C16orf74: variants seen among roughly 807,000 people sequenced by gnomAD.
C16orf74 encodes the protein calcimembrin.
C16orf74 carries 10 observed loss-of-function variants against 6.5 expected under a neutral mutation model. The observed-to-expected ratio is 1.54, with a 90% confidence interval of 0.95 to 2.61. C16orf74 has a LOEUF of 2.61. Ranked by LOEUF, C16orf74 falls within the 30% of genes most tolerant of loss-of-function variation. The pLI, the probability that C16orf74 is intolerant of heterozygous loss-of-function variation, is 0.00. For missense variants in C16orf74, 141 were observed against 105.9 expected (o/e 1.33, Z -1.45); for synonymous variants, 60 against 42.5 (o/e 1.41, Z -1.60).
intron 1 of C16orf74, among the ~76,000 whole-genome samples, chr16:85,738,470 G>A (rs1180651629): frequency 6.7e-6 from 1 of 150,364 alleles, no homozygotes; most frequent in Non-Finnish European, 1.5e-5. Context: ...GACTACAGGC[G>A]TGCACCATGA....
At chr16:85,740,686 T>C (rs1351840311) in intron 1 of C16orf74, among the ~76,000 whole-genome samples, 1 of 67,454 alleles carries the variant, frequency 1.5e-5, no homozygotes, top group Non-Finnish European at 2.8e-5. Flanking sequence ...AGCGAGACTC[T>C]GTTTCAAAAA....
chr16:85,723,259 CAAAAAA>C (rs5818553), intron 2 of C16orf74, among the ~76,000 whole-genome samples: 3 of 60,108 alleles, frequency 5.0e-5, no homozygotes, highest in African/African-American at 1.9e-4. Context: ...GACTCCATCT[CAAAAAA>C]AAAAAAAAAA....
At chr16:85,731,300 A>T (rs530492976) in intron 2 of C16orf74, among the ~76,000 whole-genome samples, 1 of 152,358 alleles carries the variant, frequency 6.6e-6, no homozygotes, top group African/African-American at 2.4e-5. Flanking sequence ...ATGTATTAAG[A>T]GCATTAAACT....
intron 2 of C16orf74, among the ~76,000 whole-genome samples, chr16:85,730,346 T>G (rs1005298497): frequency 4.6e-5 from 7 of 152,128 alleles, no homozygotes; most frequent in African/African-American, 1.7e-4. Flanking sequence ...TTCCTCTCCT[T>G]GGTCCTCAAC....
chr16:85,719,991 G>C lies in C16orf74; in HGVS notation c.29-9684C>G, dbSNP rs184159830. Among the ~76,000 whole-genome samples the C allele has an allele frequency of 2.6e-3, 391 of 152,264 alleles. 4 individuals are homozygous for C. The highest frequency in any genetic ancestry group is 9.1e-3 in the African/African-American group (377 of 41,566). ...AGAGATGACCGGGTGTCTGGATTTA[G>C]TGCAGGTCTTTCAAAAGCAAACTGA... On this transcript the variant is annotated intron_variant, in intron 2 of 3. Coordinates refer to ENST00000284245, the MANE Select transcript of C16orf74 (RefSeq NM_206967.3).
At chr16:85,725,319 C>T (rs1428543449) in intron 2 of C16orf74, among the ~76,000 whole-genome samples, 1 of 152,206 alleles carries the variant, frequency 6.6e-6, no homozygotes, top group African/African-American at 2.4e-5. Context: ...GGGTTCCCAG[C>T]CAGGCTGACT....
At chr16:85,715,368 C>A (rs550982502) in intron 2 of C16orf74, among the ~76,000 whole-genome samples, 1 of 152,162 alleles carries the variant, frequency 6.6e-6, no homozygotes, top group African/African-American at 2.4e-5. Flanking sequence ...GTGTCACCAG[C>A]CCCATCTTAC....
intron 2 of C16orf74, among the ~76,000 whole-genome samples, chr16:85,725,035 C>T (rs80216236): frequency 0.01 from 1,540 of 151,504 alleles, 11 homozygotes; most frequent in Non-Finnish European, 0.017. Context: ...TATCAGGTGC[C>T]GGAGGTTTAG....
At chr16:85,728,938 C>A (rs986895999) in intron 2 of C16orf74, among the ~76,000 whole-genome samples, 6 of 152,234 alleles carry the variant, frequency 3.9e-5, no homozygotes, top group Admixed American at 6.5e-5. Flanking sequence ...GTTGAAAACC[C>A]TGAGTTCCTG....
At chr16:85,717,474 C>G (rs1459280517) in intron 2 of C16orf74, among the ~76,000 whole-genome samples, 1 of 152,198 alleles carries the variant, frequency 6.6e-6, no homozygotes, top group Non-Finnish European at 1.5e-5. Context: ...GTTTCCCTGG[C>G]TGTAAAACTG....
chr16:85,713,966 CAG>C (rs1298590866), intron 2 of C16orf74, among the ~76,000 whole-genome samples: 2 of 152,220 alleles, frequency 1.3e-5, no homozygotes, highest in Non-Finnish European at 2.9e-5. Flanking sequence ...AACCGGGAAT[CAG>C]AGCCTCCAGT....
intron 1 of C16orf74, 89 bp from the exon 2 acceptor site, chr16:85,735,324 T>G (rs1368892508): frequency 1.1e-6 from 1 of 871,250 alleles, no homozygotes; most frequent in South Asian, 2.1e-5. Flanking sequence ...TTGGCCCTGA[T>G]GAGTGCAAAA....
chr16:85,731,008 T>C (rs908502788), intron 2 of C16orf74, among the ~76,000 whole-genome samples: 4 of 152,234 alleles, frequency 2.6e-5, no homozygotes, highest in Non-Finnish European at 5.9e-5. Flanking sequence ...CCCGTTTCTT[T>C]GTACCTTATT....
chr16:85,718,035 C>G (rs994258217), intron 2 of C16orf74, among the ~76,000 whole-genome samples: 1 of 152,252 alleles, frequency 6.6e-6, no homozygotes, highest in Non-Finnish European at 1.5e-5. Context: ...GAGACAGGAG[C>G]AAGCGTGGGC....
At chr16:85,745,342 A>C (rs1039925193) in intron 1 of C16orf74, among the ~76,000 whole-genome samples, 2 of 152,110 alleles carry the variant, frequency 1.3e-5, no homozygotes, top group Non-Finnish European at 2.9e-5. Flanking sequence ...GAGCATCTCC[A>C]GGGACAGGTC....
At chr16:85,740,333 T>C (rs1226099168) in intron 1 of C16orf74, among the ~76,000 whole-genome samples, 2 of 149,950 alleles carry the variant, frequency 1.3e-5, no homozygotes, top group East Asian at 3.9e-4. Context: ...GGAGGGCAGA[T>C]CACCTGAGGT....
chr16:85,723,877 C>T (rs1221678439), intron 2 of C16orf74, among the ~76,000 whole-genome samples: 1 of 152,230 alleles, frequency 6.6e-6, no homozygotes, highest in Non-Finnish European at 1.5e-5. Flanking sequence ...CATCTGCTCT[C>T]TGGAAACCAG....
intron 2 of C16orf74, among the ~76,000 whole-genome samples, chr16:85,727,806 C>T (rs1425214270): frequency 7.0e-6 from 1 of 143,044 alleles, no homozygotes; most frequent in African/African-American, 2.6e-5. Context: ...AGAGCCAGGC[C>T]CTGTTTCAAA....
chr16:85,737,753 C>T (rs565659472), intron 1 of C16orf74, among the ~76,000 whole-genome samples: 1 of 152,180 alleles, frequency 6.6e-6, no homozygotes, highest in East Asian at 1.9e-4. Context: ...ATCTCTTGAA[C>T]CTGGGAGATG....
Sources: gnomAD v4.1 joint callset for allele counts (sites outside exome capture counted in the v4.1 genomes callset) on GRCh38, gnomAD v4.1.1 for gene constraint, MANE v1.5 for transcripts, NCBI Gene and HGNC (gene_info 2026-07-23, HGNC 2026-07-21) for gene names.